KIAA1671: variants seen among roughly 807,000 people sequenced by gnomAD.
The protein encoded by KIAA1671 is uncharacterized protein KIAA1671.
In KIAA1671, 52 loss-of-function variants were observed where a neutral mutation model predicts 131.2. The observed-to-expected ratio is 0.40, with a 90% CI of 0.32 to 0.50. The LOEUF (loss-of-function observed/expected upper bound fraction) is 0.50, where lower values mean the gene tolerates loss of function less well. Among genes scored for constraint, KIAA1671 ranks in the 20% least tolerant of loss-of-function variants. The pLI is 0.73. For synonymous variants in KIAA1671, 1,003 were observed against 961.6 expected (o/e 1.04, Z -0.80); for missense variants, 2,360 against 2,364.2 (o/e 1.00, Z 0.04).
chr22:25,062,368 C>G (rs1289574192), intron 6 of KIAA1671: 2 of 152,130 alleles, frequency 1.3e-5, no homozygotes, highest in Non-Finnish European at 2.9e-5. Flanking sequence ...GTAAATGTAC[C>G]AAGTTGCCCA....
At chr22:24,981,728 C>T (rs935321896) in intron 1 of KIAA1671, among the ~76,000 whole-genome samples, 15 of 152,142 alleles carry the variant, frequency 9.9e-5, no homozygotes, top group Non-Finnish European at 1.3e-4. Context: ...GGCAACGTGA[C>T]GAGACCCCAT....
chr22:25,084,380 C>T (rs1929582326), intron 6 of KIAA1671, among the ~76,000 whole-genome samples: 2 of 146,748 alleles, frequency 1.4e-5, no homozygotes, highest in South Asian at 4.3e-4. Context: ...GAGGCTGAGG[C>T]AGGAGAATCG....
intron 1 of KIAA1671, chr22:25,024,071 CT>C (rs1380971783): frequency 1.3e-5 from 2 of 152,198 alleles, no homozygotes; most frequent in African/African-American, 4.8e-5. Flanking sequence ...GCAATGGTAA[CT>C]TGAGAGGCAG....
chr22:24,997,955 C>T (rs928880546), intron 1 of KIAA1671, among the ~76,000 whole-genome samples: 1 of 152,166 alleles, frequency 6.6e-6, no homozygotes, highest in African/African-American at 2.4e-5. Context: ...ATACACATGC[C>T]GTTTTACAGA....
intron 6 of KIAA1671, among the ~76,000 whole-genome samples, chr22:25,084,437 G>A (rs1488209368): frequency 1.5e-5 from 2 of 132,462 alleles, no homozygotes; most frequent in Non-Finnish European, 1.5e-5. Context: ...CAGCCTCAGC[G>A]ACAGAGCAAG....
At chr22:25,122,169 G>A (rs1931977769) in intron 6 of KIAA1671, among the ~76,000 whole-genome samples, 2 of 152,158 alleles carry the variant, frequency 1.3e-5, no homozygotes, top group South Asian at 4.2e-4. Context: ...TAGGAAGTGG[G>A]ACTCGACTCC....
At chr22:25,112,908 A>G (rs1205926982) in intron 6 of KIAA1671, among the ~76,000 whole-genome samples, 2 of 152,170 alleles carry the variant, frequency 1.3e-5, no homozygotes, top group East Asian at 1.9e-4. Context: ...CCGAGCTTTC[A>G]TTGGATTGCC....
At chr22:25,082,958 T>C (rs1929489758) in intron 6 of KIAA1671, among the ~76,000 whole-genome samples, 1 of 152,254 alleles carries the variant, frequency 6.6e-6, no homozygotes, top group East Asian at 1.9e-4. Context: ...TAATAAAATA[T>C]AGGCATGTTC....
chr22:25,062,967 C>T (rs1928253436), intron 6 of KIAA1671: 1 of 152,120 alleles, frequency 6.6e-6, no homozygotes, highest in African/African-American at 2.4e-5. Flanking sequence ...AGATAACCCC[C>T]TTTTCTGATG....
rs1343338212 is a variant in KIAA1671 at position 25,028,171 on chromosome 22, G to A, written c.172G>A (p.Ala58Thr). 2.6e-6 allele frequency: 4 copies of A among 1,549,890 alleles called. No individual in the cohort carries two copies. Among genetic ancestry groups the A allele is most frequent in the Non-Finnish European group, 1.7e-6 (2 of 1,145,996 alleles). Residue 58 changes from alanine to threonine, a missense_variant, in exon 3 of 13, where the codon GCC (alanine) becomes ACC (threonine). Physicochemically the swap from Ala to Thr is moderately conservative, Grantham distance 58. Transcript: ENST00000358431. ...AGCGAAGAGCCCCCTGCGGAGCCCG[G>A]CCCGGTTACTCCCTCTGCCAAGGCT... ...LEAKSPLRSP[A>T]RLLPLPRLAP...
Position 25,028,709 on chromosome 22 carries a change from G to T in KIAA1671, c.710G>T (p.Arg237Leu). Residue 237 changes from arginine (R) to leucine (L), a missense_variant, in exon 3 of 13, where the codon CGC becomes CTC. Arg to Leu is a moderately radical substitution (Grantham distance 102). Coordinates refer to ENST00000358431, the MANE Select transcript of KIAA1671 (RefSeq NM_001145206.2). ...CGCCCCCTTGTGGAGCCCAGGCCTC[G>T]CCTGAAGAGAAGGCCCGTGTCTGCC... ...TARPLVEPRP[R>L]LKRRPVSAIF... The T allele has an allele frequency of 5.2e-6, 8 of 1,551,204 alleles. No individual in the cohort carries two copies. Among genetic ancestry groups the T allele is most frequent in the Non-Finnish European group, 7.0e-6 (8 of 1,147,006 alleles).
At chr22:24,958,535 C>A (rs113097759) in intron 1 of KIAA1671, among the ~76,000 whole-genome samples, 16 of 151,750 alleles carry the variant, frequency 1.1e-4, no homozygotes, top group Non-Finnish European at 1.8e-4. Context: ...CCTGTAATCC[C>A]AGCTACTCGG....
chr22:25,000,887 T>A (rs1029115559), intron 1 of KIAA1671, among the ~76,000 whole-genome samples: 11 of 151,372 alleles, frequency 7.3e-5, no homozygotes, highest in African/African-American at 2.7e-4. Context: ...CCTCAAGCAA[T>A]TCTCCTGCCT....
At position 25,031,453 on chromosome 22, in the gene KIAA1671, T is replaced by G. The variant is rs965907332; in HGVS notation, c.1542-1156T>G. 6.1e-3 allele frequency among the ~76,000 whole-genome samples: 913 copies of G among 150,392 alleles called. 15 individuals are homozygous for G. The highest frequency in any genetic ancestry group is 0.022 in the African/African-American group (883 of 40,906). The stretch of plus-strand genomic sequence containing the variant: ...CCTCGTGATCCGCCCGCCTCAGCCT[T>G]CCAAAGTGCTGGGATTACAGGCGTG... On this transcript the variant is annotated intron_variant, in intron 3 of 12. Transcript: ENST00000358431.
At chr22:25,074,514 A>AAAAAG (rs59411918) in intron 6 of KIAA1671, among the ~76,000 whole-genome samples, 24,548 of 114,460 alleles carry the variant, frequency 0.21, 3,113 homozygotes, top group Non-Finnish European at 0.24. Flanking sequence ...AAAAAAAAAA[A>AAAAAG]AAAGAAAGAA....
chr22:25,067,832 G>A (rs1928563130), intron 6 of KIAA1671, among the ~76,000 whole-genome samples: 1 of 152,232 alleles, frequency 6.6e-6, no homozygotes, highest in Admixed American at 6.5e-5. Flanking sequence ...CTGTGTTTAT[G>A]GCAACAGTCA....
chr22:24,959,503 C>T (rs1921901050), intron 1 of KIAA1671, among the ~76,000 whole-genome samples: 1 of 152,064 alleles, frequency 6.6e-6, no homozygotes, highest in South Asian at 2.1e-4. Context: ...GCCTGGGCAA[C>T]AGAGTGAGAC....
intron 6 of KIAA1671, among the ~76,000 whole-genome samples, chr22:25,068,656 T>C (rs1195803426): frequency 6.6e-6 from 1 of 152,208 alleles, no homozygotes; most frequent in Non-Finnish European, 1.5e-5. Context: ...CAGGATGGTC[T>C]CGATCTCCTG....
At chr22:25,170,156 G>A (rs531971871) in intron 6 of KIAA1671, among the ~76,000 whole-genome samples, 10 of 152,120 alleles carry the variant, frequency 6.6e-5, no homozygotes, top group South Asian at 4.2e-4. Flanking sequence ...CTCGTGATCC[G>A]CCCACCTCGG....
Sources: gnomAD v4.1 joint callset for allele counts (sites outside exome capture counted in the v4.1 genomes callset) on GRCh38, gnomAD v4.1.1 for gene constraint, MANE v1.5 for transcripts, NCBI Gene and HGNC (gene_info 2026-07-23, HGNC 2026-07-21) for gene names.